The following TBL1XR1 variants were observed in gnomAD, a reference collection of about 807,000 sequenced individuals.
TBL1XR1 encodes F-box-like/WD repeat-containing protein TBL1XR1.
A neutral mutation model predicts 66.9 loss-of-function variants in TBL1XR1; 5 were observed. The ratio of observed to expected loss-of-function variants is 0.07; its 90% CI spans 0.04 to 0.16. TBL1XR1 has a LOEUF of 0.16. TBL1XR1 is among the 10% of genes least tolerant of loss of function. The probability of loss-of-function intolerance (pLI) is 1.00; values close to 1 mark genes in which losing one functional copy is unlikely to be tolerated. For synonymous variants in TBL1XR1, 210 were observed against 206.0 expected (o/e 1.02, Z -0.17); for missense variants, 238 against 623.2 (o/e 0.38, Z 6.58).
chr3:177,177,199 C>T (rs765770221), intron 1 of TBL1XR1, among the ~76,000 whole-genome samples: 1 of 152,082 alleles, frequency 6.6e-6, no homozygotes, highest in Non-Finnish European at 1.5e-5. Context: ...GAGTTCTGAC[C>T]CATGCACTTT....
chr3:177,050,531 T>C lies in TBL1XR1; in HGVS notation c.507A>G (p.Glu169=). 1.2e-6 allele frequency: 2 copies of C among 1,613,832 alleles called. No homozygotes were observed. The highest frequency in any genetic ancestry group is 1.7e-6 in the Non-Finnish European group (2 of 1,179,838). The change falls in exon 6 of 16, where the codon GAA becomes GAG. Residue 169 remains glutamate, a synonymous_variant. Transcript: ENST00000457928. ...PNKAVVLRGH[E]SEVFICAWNP... is the part of the protein sequence containing the mutation. ...TCCAGGCACAGATAAAAACTTCAGA[T>C]TCATGGCCCCGCAACACAACAGCTT...
chr3:177,131,509 TC>T, intron 1 of TBL1XR1: 20 of 267,672 alleles, frequency 7.5e-5, no homozygotes, highest in Non-Finnish European at 9.8e-5. Flanking sequence ...ATTCTGAATA[TC>T]TTTTTTTTTT....
At chr3:177,079,826 C>A (rs571284878) in intron 2 of TBL1XR1, 1 of 151,320 alleles carries the variant, frequency 6.6e-6, no homozygotes, top group South Asian at 2.1e-4. Flanking sequence ...AAAAAGCTCA[C>A]CCTGTATGTG....
At chr3:177,172,191 G>A (rs1007125694) in intron 1 of TBL1XR1, among the ~76,000 whole-genome samples, 12 of 150,618 alleles carry the variant, frequency 8.0e-5, no homozygotes, top group African/African-American at 2.9e-4. Context: ...AACCCGGGAG[G>A]CAGAGGCTGC....
At chr3:177,084,397 T>C (rs1721870360) in intron 2 of TBL1XR1, among the ~76,000 whole-genome samples, 3 of 152,226 alleles carry the variant, frequency 2.0e-5, no homozygotes, top group African/African-American at 7.2e-5. Context: ...AGGATATATG[T>C]AGAATCACAT....
rs1162145977 is a variant in TBL1XR1 at position 177,135,367 on chromosome 3, A to G, written c.-121-36826T>C. On this transcript the variant is annotated intron_variant, in intron 1 of 15. Coordinates refer to ENST00000457928, the MANE Select transcript of TBL1XR1 (RefSeq NM_024665.7). The stretch of plus-strand genomic sequence containing the variant: ...TATATATATATATATATATATATAT[A>G]TATATATATATATATGTATGTATTT... Among the ~76,000 whole-genome samples the G allele has an allele frequency of 1.5e-4, 5 of 32,964 alleles. 1 individual carries two copies. Among genetic ancestry groups the G allele is most frequent in the Non-Finnish European group, 2.6e-4 (5 of 19,562 alleles). 21.6% of individuals were successfully genotyped at this position (32,964 alleles called of 152,430 possible).
intron 2 of TBL1XR1, among the ~76,000 whole-genome samples, chr3:177,084,355 A>G (rs1721864528): frequency 6.6e-6 from 1 of 152,148 alleles, no homozygotes; most frequent in African/African-American, 2.4e-5. Flanking sequence ...GTCCCACCCC[A>G]CATGCACAAT....
chr3:177,048,125 G>A (rs1716567999), intron 7 of TBL1XR1, among the ~76,000 whole-genome samples: 1 of 151,970 alleles, frequency 6.6e-6, no homozygotes, highest in Admixed American at 6.6e-5. Context: ...AGATCAACAA[G>A]GAAAAGAGCC....
At chr3:177,099,561 G>C (rs768219458) in intron 1 of TBL1XR1, 1 of 152,198 alleles carries the variant, frequency 6.6e-6, no homozygotes, top group Non-Finnish European at 1.5e-5. Context: ...GAAGTAAGAA[G>C]ATAACTAAGT....
intron 2 of TBL1XR1, among the ~76,000 whole-genome samples, chr3:177,083,291 T>C (rs908063510): frequency 2.6e-5 from 4 of 151,210 alleles, no homozygotes; most frequent in African/African-American, 9.7e-5. Context: ...AGTCTAATTA[T>C]GTATCCATCC....
chr3:177,100,861 G>T (rs948326689), intron 1 of TBL1XR1, among the ~76,000 whole-genome samples: 33 of 130,940 alleles, frequency 2.5e-4, no homozygotes, highest in African/African-American at 8.0e-4. Context: ...TTTTTCTTTG[G>T]TTTTTTTTTT....
At chr3:177,042,402 A>G (rs986593502) in intron 10 of TBL1XR1, among the ~76,000 whole-genome samples, 9 of 152,332 alleles carry the variant, frequency 5.9e-5, no homozygotes, top group African/African-American at 1.9e-4. Flanking sequence ...AACAAAAAGT[A>G]GCATTAAAAC....
intron 1 of TBL1XR1, among the ~76,000 whole-genome samples, chr3:177,169,710 A>C (rs555783054): frequency 3.1e-4 from 47 of 152,144 alleles, no homozygotes; most frequent in African/African-American, 1.0e-3. Flanking sequence ...CTAATCCCTC[A>C]CTCTTTCTTC....
At position 177,081,166 on chromosome 3, in the gene TBL1XR1, C is replaced by T. The variant is rs189982194; in HGVS notation, c.-45-16144G>A. Among the ~76,000 whole-genome samples, 10 of 152,328 alleles carry T rather than the reference C, an allele frequency of 6.6e-5. No homozygotes were observed. In the East Asian group the frequency reaches 1.7e-3, roughly 26 times the overall value. On this transcript the variant is annotated intron_variant, in intron 2 of 15. Transcript: ENST00000457928. ...TCACCTTGGCAATACATAGTATCTC[C>T]TAATACGACATTCAGAATCATTAAT...
At chr3:177,100,042 A>C (rs1256050272) in intron 1 of TBL1XR1, among the ~76,000 whole-genome samples, 2 of 152,230 alleles carry the variant, frequency 1.3e-5, no homozygotes, top group African/African-American at 2.4e-5. Context: ...GTTCGAGACC[A>C]GCCTGGGCAG....
At chr3:177,041,900 C>A (rs920603501) in intron 10 of TBL1XR1, among the ~76,000 whole-genome samples, 2 of 152,172 alleles carry the variant, frequency 1.3e-5, no homozygotes, top group Admixed American at 6.5e-5. Flanking sequence ...CATTGCCAGG[C>A]AGCCTATCCT....
At chr3:177,152,526 C>G (rs961908436) in intron 1 of TBL1XR1, among the ~76,000 whole-genome samples, 2 of 152,146 alleles carry the variant, frequency 1.3e-5, no homozygotes, top group Admixed American at 1.3e-4. Flanking sequence ...ACCTCGTGAT[C>G]TGCCCGCCTC....
chr3:177,131,510 C>CA, intron 1 of TBL1XR1: 3 of 257,088 alleles, frequency 1.2e-5, no homozygotes, highest in Non-Finnish European at 1.7e-5. Context: ...TTCTGAATAT[C>CA]TTTTTTTTTT....
intron 1 of TBL1XR1, among the ~76,000 whole-genome samples, chr3:177,196,828 C>G (rs1736922403): frequency 6.6e-6 from 1 of 151,390 alleles, no homozygotes; most frequent in Non-Finnish European, 1.5e-5. Flanking sequence ...TCGGGGACAA[C>G]ATAATTAGGG....
Sources: gnomAD v4.1 joint callset for allele counts (sites outside exome capture counted in the v4.1 genomes callset) on GRCh38, gnomAD v4.1.1 for gene constraint, MANE v1.5 for transcripts, NCBI Gene and HGNC (gene_info 2026-07-23, HGNC 2026-07-21) for gene names.